The following SLC5A11 variants were observed in gnomAD, a reference collection of about 807,000 sequenced individuals.
SLC5A11 encodes the protein sodium/myo-inositol cotransporter 2.
A neutral mutation model predicts 69.8 loss-of-function variants in SLC5A11; 48 were observed. That is an observed-to-expected ratio of 0.69 (90% confidence interval 0.55 to 0.87). The LOEUF is 0.87. Ranked by LOEUF, SLC5A11 falls within the 40% of genes least tolerant of loss-of-function variation. The probability of loss-of-function intolerance (pLI) is 0.00; values close to 1 mark genes in which losing one functional copy is unlikely to be tolerated. For missense variants in SLC5A11, 784 were observed against 866.1 expected, an observed-to-expected ratio of 0.91 and a Z score of 1.19; for synonymous variants, 319 against 342.4, an observed-to-expected ratio of 0.93 and a Z score of 0.75.
At chr16:24,849,585 AAAAAAAAAAT>A (rs1159270789) in intron 1 of SLC5A11, among the ~76,000 whole-genome samples, 1 of 86,938 alleles carries the variant, frequency 1.2e-5, no homozygotes, top group Non-Finnish European at 2.6e-5. Context: ...AAAAAAAAAA[AAAAAAAAAAT>A]ATATATATAT....
chr16:24,870,807 G>T (rs989172307), intron 4 of SLC5A11, among the ~76,000 whole-genome samples: 1 of 135,646 alleles, frequency 7.4e-6, no homozygotes, highest in Non-Finnish European at 1.6e-5. Flanking sequence ...AAAAAAAAGG[G>T]TGTGTGAAGA....
chr16:24,894,961 A>T, intron 9 of SLC5A11, among the ~76,000 whole-genome samples: 1 of 151,886 alleles, frequency 6.6e-6, no homozygotes, highest in Non-Finnish European at 1.5e-5. Flanking sequence ...CTACAAAAAA[A>T]TTTAAAAAAT....
chr16:24,858,686 C>T (rs556824328), exon 2 of SLC5A11: 24 of 1,611,446 alleles, frequency 1.5e-5, no homozygotes, highest in Admixed American at 5.0e-5. Context: ...ACAGTTAGAT[C>T]CCCTGGATGC....
intron 2 of SLC5A11, among the ~76,000 whole-genome samples, chr16:24,859,010 G>A (rs927626516): frequency 6.6e-6 from 1 of 152,046 alleles, no homozygotes; most frequent in Admixed American, 6.6e-5. Context: ...ATTTTCACAG[G>A]CCCCTGTGAG....
chr16:24,868,086 G>C (rs1304191380), intron 3 of SLC5A11, among the ~76,000 whole-genome samples: 1 of 150,498 alleles, frequency 6.6e-6, no homozygotes, highest in African/African-American at 2.5e-5. Context: ...GCAGTGAGCT[G>C]AGATGGCACC....
intron 7 of SLC5A11, among the ~76,000 whole-genome samples, chr16:24,882,013 G>A (rs148253929): frequency 2.6e-3 from 402 of 152,352 alleles, no homozygotes; most frequent in Non-Finnish European, 4.5e-3. Context: ...CCTTGGCTGA[G>A]TTCTCAGAAC....
intron 7 of SLC5A11, among the ~76,000 whole-genome samples, chr16:24,883,403 G>GT (rs1228972652): frequency 6.6e-6 from 1 of 152,126 alleles, no homozygotes; most frequent in Non-Finnish European, 1.5e-5. Flanking sequence ...AACTAAAGGT[G>GT]TTCAGAGCTT....
rs1278092287 is a variant in SLC5A11 at position 24,876,997 on chromosome 16, G to A, written c.478-261G>A. On this transcript the variant is annotated intron_variant, in intron 6 of 15. Transcript: ENST00000347898. ...ATTATGGTATTTAATGAAGGTTGCAGTGTGGAAGATGGAGTGGGAGAGGAC... is the reference window on the plus strand; with the variant it reads ...ATTATGGTATTTAATGAAGGTTGCAATGTGGAAGATGGAGTGGGAGAGGAC... 6.6e-6 allele frequency: 7 copies of A among 1,063,238 alleles called. No homozygotes were observed. In the South Asian group the frequency reaches 1.1e-4, roughly 17 times the overall value. 65.9% of individuals were successfully genotyped at this position (1,063,238 alleles called of 1,614,324 possible).
intron 7 of SLC5A11, among the ~76,000 whole-genome samples, chr16:24,883,503 A>G (rs909653892): frequency 6.6e-6 from 1 of 152,208 alleles, no homozygotes; most frequent in Non-Finnish European, 1.5e-5. Flanking sequence ...TGAAAAATCA[A>G]TGGTTTATTA....
At chr16:24,904,023 T>C (rs2049838285) in intron 10 of SLC5A11, among the ~76,000 whole-genome samples, 2 of 152,192 alleles carry the variant, frequency 1.3e-5, no homozygotes, top group Non-Finnish European at 2.9e-5. Flanking sequence ...GCAAGGACCT[T>C]CTTCACATGG....
At chr16:24,907,803 T>C (rs1457136029) in intron 12 of SLC5A11, among the ~76,000 whole-genome samples, 160 bp from the exon 14 acceptor site, 1 of 152,142 alleles carries the variant, frequency 6.6e-6, no homozygotes, top group Non-Finnish European at 1.5e-5. Context: ...GGAGGATCAC[T>C]TGAGCCCAGG....
intron 2 of SLC5A11, among the ~76,000 whole-genome samples, chr16:24,860,439 A>G (rs977908694): frequency 2.0e-5 from 3 of 152,174 alleles, no homozygotes; most frequent in Non-Finnish European, 4.4e-5. Flanking sequence ...TTGAGCAACA[A>G]GAGTGAAAAT....
At chr16:24,850,227 G>T (rs1220287497) in intron 1 of SLC5A11, among the ~76,000 whole-genome samples, 2 of 152,220 alleles carry the variant, frequency 1.3e-5, no homozygotes, top group Non-Finnish European at 2.9e-5. Context: ...TGGGATTATA[G>T]GCATGAGCCA....
chr16:24,857,185 A>G (rs2059574450), intron 1 of SLC5A11, among the ~76,000 whole-genome samples: 1 of 152,230 alleles, frequency 6.6e-6, no homozygotes, highest in South Asian at 2.1e-4. Context: ...TCTGTGAAAC[A>G]TCACGTTGTG....
At chr16:24,877,145 C>T in intron 6 of SLC5A11, 113 bp from the exon 8 acceptor site, 2 of 1,536,074 alleles carry the variant, frequency 1.3e-6, no homozygotes, top group South Asian at 2.5e-5. Context: ...TATGACTCTT[C>T]TGTGTTTGTC....
chr16:24,907,998 T>C, exon 13 of SLC5A11: 1 of 1,614,090 alleles, frequency 6.2e-7, no homozygotes, highest in South Asian at 1.1e-5. Context: ...GTCTCCATCC[T>C]CTGGATCCCT....
At chr16:24,898,017 C>G (rs1423017042) in exon 10 of SLC5A11, 4 of 1,614,154 alleles carry the variant, frequency 2.5e-6, no homozygotes, top group Non-Finnish European at 3.4e-6. Flanking sequence ...CTGTCCCATG[C>G]CAAAGGAGGT....
At chr16:24,883,960 C>G (rs1303762091) in intron 7 of SLC5A11, 91 bp from the exon 9 acceptor site, 13 of 1,169,710 alleles carry the variant, frequency 1.1e-5, no homozygotes, top group Non-Finnish European at 1.6e-5. Flanking sequence ...AATCTCCCAT[C>G]GGGTCCTGGC....
chr16:24,905,832 A>T (rs558486320), intron 10 of SLC5A11, among the ~76,000 whole-genome samples: 6 of 133,610 alleles, frequency 4.5e-5, no homozygotes, highest in African/African-American at 1.6e-4. Flanking sequence ...TCTTTGAAAT[A>T]GGGATAATAA....
Sources: gnomAD v4.1 joint callset for allele counts (sites outside exome capture counted in the v4.1 genomes callset) on GRCh38, gnomAD v4.1.1 for gene constraint, MANE v1.5 for transcripts, NCBI Gene and HGNC (gene_info 2026-07-23, HGNC 2026-07-21) for gene names.